Variants in NEBL observed in about 807,000 individuals in gnomAD.
NEBL encodes nebulette.
In NEBL, 122 loss-of-function variants were observed where a neutral mutation model predicts 140.2. The ratio of observed to expected loss-of-function variants is 0.87; its 90% CI spans 0.75 to 1.01. NEBL has a LOEUF of 1.01. Among genes scored for constraint, NEBL ranks in the 50% least tolerant of loss-of-function variants. NEBL has a pLI of 0.00. For missense variants in NEBL, 1,365 were observed against 1,231.3 expected (o/e 1.11, Z -1.62); for synonymous variants, 436 against 398.9 (o/e 1.09, Z -1.11).
At chr10:21,094,049 G>T (rs1315755503) in intron 2 of NEBL, among the ~76,000 whole-genome samples, 2 of 152,012 alleles carry the variant, frequency 1.3e-5, no homozygotes, top group Non-Finnish European at 1.5e-5. Context: ...TGTTCTTATG[G>T]GTCCTTAAGA....
intron 3 of NEBL, among the ~76,000 whole-genome samples, chr10:21,235,977 G>A (rs939481331): frequency 1.3e-5 from 2 of 152,122 alleles, no homozygotes; most frequent in Non-Finnish European, 2.9e-5. Context: ...ATGATATGTT[G>A]CACAGTCTTA....
chr10:21,120,794 G>A (rs771480652), intron 2 of NEBL, among the ~76,000 whole-genome samples: 2 of 151,790 alleles, frequency 1.3e-5, no homozygotes, highest in African/African-American at 2.4e-5. Context: ...CCCAAGTGAG[G>A]TCTGAAGTCA....
chr10:20,996,150 T>G (rs898931021), intron 3 of NEBL, among the ~76,000 whole-genome samples: 1 of 152,186 alleles, frequency 6.6e-6, no homozygotes, highest in African/African-American at 2.4e-5. Flanking sequence ...TTCTAGATGC[T>G]TCTTACAGCA....
chr10:21,130,642 G>T (rs1839060775), intron 2 of NEBL, among the ~76,000 whole-genome samples: 1 of 152,004 alleles, frequency 6.6e-6, no homozygotes, highest in South Asian at 2.1e-4. Flanking sequence ...ATAACACATG[G>T]TTCAAAGAAT....
intron 26 of NEBL, among the ~76,000 whole-genome samples, chr10:20,797,380 C>T (rs142692026): frequency 2.6e-5 from 4 of 152,232 alleles, no homozygotes; most frequent in African/African-American, 4.8e-5. Flanking sequence ...TTAGACAATA[C>T]CATCAATCCA....
chr10:21,236,370 CAG>C (rs1842350545), intron 3 of NEBL, among the ~76,000 whole-genome samples: 1 of 125,638 alleles, frequency 8.0e-6, no homozygotes, highest in Non-Finnish European at 1.6e-5. Flanking sequence ...TTTTTTGAGA[CAG>C]AGTGTTGTTC....
rs865956162 is a variant in NEBL, at chr10:20,831,256, T to G, written c.1611A>C (p.Gln537His). 6.2e-7 allele frequency: 1 copy of G among 1,613,450 alleles called. No individual in the cohort carries two copies. The highest frequency in any genetic ancestry group is 1.3e-5 in the African/African-American group (1 of 74,908). ...GGATATCTGGGATATCCATGCTCAC[T>G]TGCATTCCTTTCCCTTTAATTTCAT... ...LENEIKGKGMQVSMDIPDILR... is the reference protein window; with the variant it reads ...LENEIKGKGMHVSMDIPDILR... The change falls in exon 16 of 28, where the codon CAA becomes CAC. Residue 537 changes from glutamine (Q) to histidine (H), a missense_variant. Transcript: ENST00000377122.
At chr10:21,169,281 T>C (rs1297122988) in intron 2 of NEBL, among the ~76,000 whole-genome samples, 22 of 151,756 alleles carry the variant, frequency 1.4e-4, no homozygotes, top group Admixed American at 1.2e-3. Context: ...GTTGTTTTCA[T>C]TTAAGCATGT....
At chr10:20,854,186 G>C (rs1051337846) in intron 9 of NEBL, among the ~76,000 whole-genome samples, 3 of 152,208 alleles carry the variant, frequency 2.0e-5, no homozygotes, top group Non-Finnish European at 4.4e-5. Context: ...AGAAGCTAAA[G>C]ATAGCTGCTT....
intron 4 of NEBL, among the ~76,000 whole-genome samples, chr10:20,954,456 T>C (rs1345378762): frequency 6.6e-6 from 1 of 152,264 alleles, no homozygotes; most frequent in African/African-American, 2.4e-5. Flanking sequence ...AGAAGCTGAC[T>C]GTCAGAGCAG....
chr10:21,227,923 G>A (rs1484878920), intron 3 of NEBL, among the ~76,000 whole-genome samples: 1 of 151,434 alleles, frequency 6.6e-6, no homozygotes, highest in East Asian at 1.9e-4. Context: ...GTAACGTTCA[G>A]AATCTTGTGG....
chr10:20,787,727 T>A (rs1437674950), intron 26 of NEBL, among the ~76,000 whole-genome samples: 1 of 152,224 alleles, frequency 6.6e-6, no homozygotes, highest in Non-Finnish European at 1.5e-5. Flanking sequence ...ATTTCTCATA[T>A]AACAGATACT....
At chr10:20,971,214 C>G (rs978872592) in intron 3 of NEBL, among the ~76,000 whole-genome samples, 18 of 152,090 alleles carry the variant, frequency 1.2e-4, no homozygotes, top group Non-Finnish European at 2.9e-5. Flanking sequence ...GGCAAAAATA[C>G]TAATTCAAGG....
At chr10:21,283,845 A>T (rs1340435075) in intron 1 of NEBL, among the ~76,000 whole-genome samples, 1 of 151,922 alleles carries the variant, frequency 6.6e-6, no homozygotes, top group Non-Finnish European at 1.5e-5. Flanking sequence ...GTAGAGCAGC[A>T]TGGGTTTATT....
Position 21,125,227 on chromosome 10 carries a change from T to TACACAC in NEBL, c.164+47150_164+47155dup, listed in dbSNP as rs59284447. The stretch of plus-strand genomic sequence containing the variant: ...ACGCACACACATGCACACATGCATA[T>TACACAC]ACACACACACACACACACACACAGC... On this transcript the variant is annotated intron_variant, in intron 2 of 6. Coordinates refer to the NEBL transcript ENST00000417816. 1.1e-4 allele frequency among the ~76,000 whole-genome samples: 17 copies of TACACAC among 148,208 alleles called. No homozygotes were observed. In the East Asian group the frequency reaches 1.2e-3, roughly 10 times the overall value.
At chr10:21,154,399 C>T (rs1370756790) in intron 2 of NEBL, among the ~76,000 whole-genome samples, 1 of 144,304 alleles carries the variant, frequency 6.9e-6, no homozygotes. Context: ...GTGGAGGTTG[C>T]AATGAGCTGA....
At position 21,243,938 on chromosome 10, in the gene NEBL, A is replaced by G. The variant is rs11815724; in HGVS notation, n.348+3983T>C. The stretch of plus-strand genomic sequence containing the variant: ...AGGCGAAAGGGAAAGGGAAAGGGAA[A>G]GGGAAGGGGAAGGGGAAGAGGACGG... On this transcript the variant is annotated intron_variant and non_coding_transcript_variant, in intron 3 of 8. Transcript: ENST00000675702. Among the ~76,000 whole-genome samples the G allele has an allele frequency of 2.7e-3, 372 of 136,390 alleles. 2 individuals are homozygous for G. The highest frequency in any genetic ancestry group is 4.8e-3 in the African/African-American group (186 of 38,694). 89.5% of individuals were successfully genotyped at this position (136,390 alleles called of 152,430 possible). A position where few individuals can be genotyped will look rare whatever the true frequency, so the allele number is the denominator to read the frequency against.
In NEBL at chr10:20,783,436, G is replaced by A. The variant is rs947222932; in HGVS notation, c.*2311C>T. 2.6e-5 allele frequency: 4 copies of A among 152,242 alleles called. No individual in the cohort carries two copies. The highest frequency in any genetic ancestry group is 2.0e-4 in the Admixed American group (3 of 15,286). The allele number at this position is 152,242 out of a possible 1,614,324, so 9.4% of individuals were successfully genotyped here. ...TATTTTGCTATGCAAACATTATTAC[G>A]TGAAGCTTAAAATTTTAGGAGACTT... On this transcript the variant is annotated 3_prime_UTR_variant, in exon 28 of 28. Transcript: ENST00000377122.
intron 2 of NEBL, chr10:21,113,131 G>A (rs1838113334): frequency 3.8e-6 from 1 of 265,196 alleles, no homozygotes; most frequent in Admixed American, 4.9e-5. Flanking sequence ...GAGGAGGAGG[G>A]AAGAGGAGGA....
Sources: gnomAD v4.1 joint callset for allele counts (sites outside exome capture counted in the v4.1 genomes callset) on GRCh38, gnomAD v4.1.1 for gene constraint, MANE v1.5 for transcripts, NCBI Gene and HGNC (gene_info 2026-07-23, HGNC 2026-07-21) for gene names.